Variants in RDX observed in about 807,000 individuals in gnomAD.
The protein encoded by RDX is deafness, autosomal recessive 24.
RDX carries 32 observed loss-of-function variants against 83.7 expected under a neutral mutation model. The ratio of observed to expected loss-of-function variants is 0.38; its 90% CI spans 0.29 to 0.51. The LOEUF (loss-of-function observed/expected upper bound fraction) is 0.51. RDX is among the 20% of genes least tolerant of loss of function. The pLI, the probability that RDX is intolerant of heterozygous loss-of-function variation, is 0.87. For missense variants in RDX, 600 were observed against 689.9 expected, an observed-to-expected ratio of 0.87 and a Z score of 1.46; for synonymous variants, 229 against 222.7, an observed-to-expected ratio of 1.03 and a Z score of -0.25.
At chr11:110,293,682 G>A (rs1861333805) in intron 1 of RDX, among the ~76,000 whole-genome samples, 1 of 152,178 alleles carries the variant, frequency 6.6e-6, no homozygotes, top group Non-Finnish European at 1.5e-5. Context: ...GGTAGTATCA[G>A]TTAAGTACCA....
chr11:110,208,532 C>T (rs1863687815), intron 14 of RDX, among the ~76,000 whole-genome samples: 1 of 152,188 alleles, frequency 6.6e-6, no homozygotes, highest in Non-Finnish European at 1.5e-5. Context: ...TATTCAACAC[C>T]TATTGGGTGG....
intron 1 of RDX, among the ~76,000 whole-genome samples, chr11:110,289,978 A>AAAAC (rs1861163762): frequency 6.7e-6 from 1 of 149,044 alleles, no homozygotes; most frequent in African/African-American, 2.4e-5. Flanking sequence ...AAAAAAAAAA[A>AAAAC]AAAACAAGGG....
intron 1 of RDX, among the ~76,000 whole-genome samples, chr11:110,290,409 G>A (rs1861186937): frequency 6.6e-6 from 1 of 152,006 alleles, no homozygotes; most frequent in South Asian, 2.1e-4. Flanking sequence ...CTACTTGGGA[G>A]ACTGAGGTGG....
chr11:110,288,887 A>G (rs1355665187), intron 1 of RDX, among the ~76,000 whole-genome samples: 1 of 152,108 alleles, frequency 6.6e-6, no homozygotes, highest in African/African-American at 2.4e-5. Flanking sequence ...TTGTAAAATG[A>G]CCAAACTAAT....
At chr11:110,176,000 G>A (rs145405905) in intron 15 of RDX, among the ~76,000 whole-genome samples, 404 of 152,302 alleles carry the variant, frequency 2.7e-3, no homozygotes, top group Non-Finnish European at 4.4e-3. Flanking sequence ...TGGGAGAGGC[G>A]GGAGTGGGGA....
At chr11:110,291,891 G>A (rs951434012) in intron 1 of RDX, among the ~76,000 whole-genome samples, 1 of 152,144 alleles carries the variant, frequency 6.6e-6, no homozygotes, top group Non-Finnish European at 1.5e-5. Context: ...CAGCACTTCA[G>A]GAGGCCGAGG....
chr11:110,186,316 G>C (rs1053261995), intron 15 of RDX, among the ~76,000 whole-genome samples: 1 of 152,190 alleles, frequency 6.6e-6, no homozygotes, highest in African/African-American at 2.4e-5. Flanking sequence ...GGCATGAAAA[G>C]TGAGAGCCAA....
chr11:110,197,927 A>G (rs993757190), intron 15 of RDX, among the ~76,000 whole-genome samples: 1 of 152,192 alleles, frequency 6.6e-6, no homozygotes, highest in South Asian at 2.1e-4. Context: ...TGAAACAATG[A>G]AAGTGTTTTG....
chr11:110,266,821 C>G (rs1256118172), intron 3 of RDX, among the ~76,000 whole-genome samples: 1 of 152,108 alleles, frequency 6.6e-6, no homozygotes, highest in Non-Finnish European at 1.5e-5. Flanking sequence ...CTCCTGGCCT[C>G]AAGTGATCCT....
chr11:110,244,252 C>T (rs1175254160), intron 10 of RDX, among the ~76,000 whole-genome samples: 1 of 150,466 alleles, frequency 6.6e-6, no homozygotes, highest in East Asian at 1.9e-4. Context: ...ATCCCAGCTA[C>T]TCAGGAGGCT....
intron 3 of RDX, among the ~76,000 whole-genome samples, chr11:110,267,325 CA>C (rs1860088860): frequency 1.3e-5 from 2 of 151,910 alleles, no homozygotes; most frequent in Non-Finnish European, 2.9e-5. Context: ...CCAGCCTGGT[CA>C]ACATGGTGAA....
At position 110,237,448 on chromosome 11, in the gene RDX, A is replaced by G. The variant is rs147854881; in HGVS notation, c.1251+44T>C. ...TTTTCTTTTTTAGAGGGTTCACTCT[A>G]TGCTTTTATTTAAACTTTTTTCTCT... is the stretch of plus-strand genomic sequence containing the variant. On this transcript the variant is annotated intron_variant, in intron 11 of 13. Transcript: ENST00000645495. 1,840 of 1,596,560 alleles carry G rather than the reference A, an allele frequency of 1.2e-3. 2 individuals are homozygous for G. The highest frequency in any genetic ancestry group is 2.2e-3 in the Admixed American group (131 of 59,616).
chr11:110,194,624 G>C (rs186288313), intron 15 of RDX, among the ~76,000 whole-genome samples: 110 of 152,286 alleles, frequency 7.2e-4, no homozygotes, highest in African/African-American at 2.6e-3. Context: ...ACCATAATTT[G>C]ATAAGAAACC....
At chr11:110,251,158 T>C (rs890208578) in intron 9 of RDX, among the ~76,000 whole-genome samples, 1 of 152,216 alleles carries the variant, frequency 6.6e-6, no homozygotes, top group African/African-American at 2.4e-5. Flanking sequence ...TATTTTTATT[T>C]GGAGTTTGGG....
downstream of RDX, among the ~76,000 whole-genome samples, chr11:110,228,939 A>G (rs184603691): frequency 0.01 from 1,430 of 140,944 alleles, 30 homozygotes; most frequent in African/African-American, 0.044. Context: ...AAAAAAATCT[A>G]GCTTTTACTA....
chr11:110,210,576 G>C (rs1366476852), intron 14 of RDX, among the ~76,000 whole-genome samples: 2 of 150,776 alleles, frequency 1.3e-5, no homozygotes, highest in Admixed American at 6.6e-5. Context: ...AAAATGTTAA[G>C]GGCAGCCAGA....
chr11:110,194,494 A>G (rs1863163067), intron 15 of RDX, among the ~76,000 whole-genome samples: 1 of 152,196 alleles, frequency 6.6e-6, no homozygotes, highest in Non-Finnish European at 1.5e-5. Context: ...TGCTGGGATT[A>G]CAGGGGTGAG....
chr11:110,216,699 G>T (rs1290379363), intron 14 of RDX, among the ~76,000 whole-genome samples: 1 of 149,880 alleles, frequency 6.7e-6, no homozygotes, highest in African/African-American at 2.5e-5. Flanking sequence ...TTTAATTTTT[G>T]TAGAGTTGAG....
chr11:110,215,365 A>AAAATAAAT lies in RDX; in HGVS notation c.1749-15695_1749-15688dup, dbSNP rs141643262. Reference sequence around the variant, plus strand: ...GCAACAGAGCGAGACTCCATCTCAAAAAATAAATAAATAAATAAATAAATA... The same window carrying AAAATAAAT: ...GCAACAGAGCGAGACTCCATCTCAAAAAATAAATAAATAAATAAATAAATAAATAAATA... On this transcript the variant is annotated intron_variant, in intron 14 of 15. Transcript: ENST00000528498. Among the ~76,000 whole-genome samples the AAAATAAAT allele has an allele frequency of 2.3e-3, 333 of 141,806 alleles. 1 individual carries two copies. Among genetic ancestry groups the AAAATAAAT allele is most frequent in the Middle Eastern group, 3.6e-3 (1 of 278 alleles). The allele number at this position is 141,806 out of a possible 152,430, so 93.0% of individuals were successfully genotyped here.
Sources: gnomAD v4.1 joint callset for allele counts (sites outside exome capture counted in the v4.1 genomes callset) on GRCh38, gnomAD v4.1.1 for gene constraint, MANE v1.5 for transcripts, NCBI Gene and HGNC (gene_info 2026-07-23, HGNC 2026-07-21) for gene names.